The following TCF4 variants were observed in gnomAD, a reference collection of about 807,000 sequenced individuals.
The protein encoded by TCF4 is transcription factor 4.
In TCF4, 3 loss-of-function variants were observed where a neutral mutation model predicts 82.1. The ratio of observed to expected loss-of-function variants is 0.04; its 90% CI spans 0.02 to 0.09. The LOEUF is 0.09. TCF4 is among the 10% of genes least tolerant of loss of function. TCF4 has a pLI of 1.00. For synonymous variants in TCF4, 276 were observed against 309.6 expected (o/e 0.89, Z 1.14); for missense variants, 518 against 852.7 (o/e 0.61, Z 4.89).
intron 3 of TCF4, chr18:55,482,398 T>C (rs981572504): frequency 6.6e-6 from 1 of 152,254 alleles, no homozygotes; most frequent in African/African-American, 2.4e-5. Flanking sequence ...GGGATAGGAT[T>C]ACCTTGATTG....
intron 3 of TCF4, chr18:55,510,507 A>G: frequency 2.5e-6 from 3 of 1,177,020 alleles, no homozygotes; most frequent in Non-Finnish European, 3.5e-6. Flanking sequence ...ACTTCTAAGG[A>G]TACAGAAGTC....
In TCF4 at chr18:55,513,369, CTTT is replaced by C. The variant is rs71167299; in HGVS notation, c.146-49235_146-49233del. On this transcript the variant is annotated intron_variant, in intron 3 of 19. Coordinates refer to ENST00000354452, the MANE Select transcript of TCF4 (RefSeq NM_001083962.2). ...ATGTCTTATCATTCCTAGCCCTCAG[CTTT>C]TTTTTTTTTTTTTACATCAATAGCC... Among the ~76,000 whole-genome samples, 459 of 142,046 alleles carry C rather than the reference CTTT, an allele frequency of 3.2e-3. 3 individuals are homozygous for C. Among genetic ancestry groups the C allele is most frequent in the African/African-American group, 9.6e-3 (369 of 38,592 alleles). The allele number at this position is 142,046 out of a possible 152,430, so 93.2% of individuals were successfully genotyped here.
chr18:55,240,667 A>G (rs779644283), intron 15 of TCF4, among the ~76,000 whole-genome samples: 9 of 152,234 alleles, frequency 5.9e-5, no homozygotes, highest in South Asian at 2.1e-4. Flanking sequence ...GCAGAAAACA[A>G]GACCTACCTC....
chr18:55,440,942 C>T (rs1308889831), intron 5 of TCF4, among the ~76,000 whole-genome samples: 2 of 152,170 alleles, frequency 1.3e-5, no homozygotes, highest in African/African-American at 2.4e-5. Flanking sequence ...TCCTTCACTA[C>T]TTGCTCCTTT....
At chr18:55,282,444 C>A (rs1294294873) in intron 8 of TCF4, among the ~76,000 whole-genome samples, 1 of 152,010 alleles carries the variant, frequency 6.6e-6, no homozygotes, top group Admixed American at 6.6e-5. Flanking sequence ...ACCTGGATGA[C>A]CAGTGAACTG....
intron 5 of TCF4, among the ~76,000 whole-genome samples, chr18:55,457,477 TAAAAC>T (rs2095786590): frequency 6.6e-6 from 1 of 151,886 alleles, no homozygotes; most frequent in Non-Finnish European, 1.5e-5. Flanking sequence ...AAGAATAAAT[TAAAAC>T]AAACATTTTA....
intron 3 of TCF4, among the ~76,000 whole-genome samples, chr18:55,477,505 T>C (rs1346447796): frequency 6.6e-6 from 1 of 152,208 alleles, no homozygotes. Context: ...TTTTAAACCA[T>C]GTCAGCAATG....
At chr18:55,386,766 T>A (rs2092642449) in intron 6 of TCF4, among the ~76,000 whole-genome samples, 1 of 152,196 alleles carries the variant, frequency 6.6e-6, no homozygotes, top group Admixed American at 6.5e-5. Context: ...GCTATCTCCT[T>A]AACCATCTGA....
At chr18:55,484,105 C>T (rs1010554233) in intron 3 of TCF4, among the ~76,000 whole-genome samples, 1 of 152,162 alleles carries the variant, frequency 6.6e-6, no homozygotes, top group African/African-American at 2.4e-5. Context: ...TGCCTCTTAC[C>T]TATTTTCTTA....
intron 3 of TCF4, among the ~76,000 whole-genome samples, chr18:55,531,384 G>A (rs1182653081): frequency 6.6e-6 from 1 of 152,068 alleles, no homozygotes; most frequent in Admixed American, 6.6e-5. Context: ...ATGATGATTG[G>A]TATAAAGAAA....
At chr18:55,290,773 C>T (rs964059215) in intron 8 of TCF4, among the ~76,000 whole-genome samples, 1 of 151,904 alleles carries the variant, frequency 6.6e-6, no homozygotes, top group African/African-American at 2.4e-5. Context: ...CAGACACAAG[C>T]AGAAAGTCAC....
chr18:55,344,167 T>G (rs1284892898), intron 8 of TCF4, among the ~76,000 whole-genome samples: 1 of 152,156 alleles, frequency 6.6e-6, no homozygotes, highest in Non-Finnish European at 1.5e-5. Context: ...ATGAAAACCT[T>G]TAGAATTATT....
At chr18:55,383,347 C>T (rs1160606939) in intron 6 of TCF4, among the ~76,000 whole-genome samples, 1 of 152,202 alleles carries the variant, frequency 6.6e-6, no homozygotes, top group Non-Finnish European at 1.5e-5. Context: ...AATACCCACA[C>T]ACTGTCCCTT....
chr18:55,318,865 A>G (rs1166452539), intron 8 of TCF4, among the ~76,000 whole-genome samples: 1 of 152,196 alleles, frequency 6.6e-6, no homozygotes, highest in African/African-American at 2.4e-5. Flanking sequence ...AGAAGAAACC[A>G]TAATTCTTGT....
At chr18:55,254,790 C>G in intron 14 of TCF4, 90 bp from the exon 15 acceptor site, 1 of 1,141,420 alleles carries the variant, frequency 8.8e-7, no homozygotes, top group Non-Finnish European at 1.3e-6. Context: ...AAAAAACACA[C>G]TGTGTTTCTA....
At chr18:55,439,808 C>T (rs1290204797) in intron 5 of TCF4, among the ~76,000 whole-genome samples, 3 of 152,178 alleles carry the variant, frequency 2.0e-5, no homozygotes, top group Admixed American at 1.3e-4. Flanking sequence ...CTGCAACCGC[C>T]GCCTCCTGGG....
intron 8 of TCF4, among the ~76,000 whole-genome samples, chr18:55,317,406 T>A (rs2074411056): frequency 6.6e-6 from 1 of 152,002 alleles, no homozygotes; most frequent in African/African-American, 2.4e-5. Context: ...CTGAAAATAG[T>A]AAGTATAAGA....
At chr18:55,615,763 T>C (rs2097711142) in intron 2 of TCF4, among the ~76,000 whole-genome samples, 1 of 152,130 alleles carries the variant, frequency 6.6e-6, no homozygotes, top group Non-Finnish European at 1.5e-5. Context: ...CAAATGAATT[T>C]TCTTTAAAAT....
intron 8 of TCF4, among the ~76,000 whole-genome samples, chr18:55,309,510 G>T (rs1287470552): frequency 6.6e-6 from 1 of 152,180 alleles, no homozygotes; most frequent in Non-Finnish European, 1.5e-5. Flanking sequence ...GATGACTCCT[G>T]CATCACCTAT....
Sources: allele counts gnomAD v4.1 joint callset (sites outside exome capture counted in the v4.1 genomes callset), GRCh38; gene constraint gnomAD v4.1.1; transcripts MANE v1.5; gene names NCBI Gene and HGNC (gene_info 2026-07-23, HGNC 2026-07-21).